The following CASTOR2 variants were observed in gnomAD, a reference collection of about 807,000 sequenced individuals.
CASTOR2 encodes cytosolic arginine sensor for mTORC1 subunit 2.
In CASTOR2, 8 loss-of-function variants were observed where a neutral mutation model predicts 31.2. The observed-to-expected ratio is 0.26, with a 90% CI of 0.15 to 0.46. The LOEUF (loss-of-function observed/expected upper bound fraction) is 0.46, where lower values mean the gene tolerates loss of function less well. Among genes scored for constraint, CASTOR2 ranks in the 20% least tolerant of loss-of-function variants. CASTOR2 has a pLI of 0.99. For synonymous variants in CASTOR2, 162 were observed against 158.7 expected, an observed-to-expected ratio of 1.02 and a Z score of -0.16; for missense variants, 216 against 382.1, an observed-to-expected ratio of 0.57 and a Z score of 3.62.
rs1412308137 is a variant in CASTOR2 at position 75,018,223 on chromosome 7, C to T, written c.511+101C>T. 1,561 of 1,544,088 alleles carry T rather than the reference C, an allele frequency of 1.0e-3. 18 individuals are homozygous for T. The African/African-American group carries it at 0.019, about 19-fold the overall frequency. On this transcript the variant is annotated intron_variant, in intron 4 of 8. Transcript: ENST00000616305. Reference sequence around the variant, plus strand: ...TCAGCACGGGCTTCTGCCCACTGAGCATGAATGGAGTGCCAGGCAGAACGG... The same window carrying T: ...TCAGCACGGGCTTCTGCCCACTGAGTATGAATGGAGTGCCAGGCAGAACGG...
rs1315567165 is a variant in CASTOR2 at position 75,019,108 on chromosome 7, T to C, written c.635+13T>C. 2 of 1,551,666 alleles carry C rather than the reference T, an allele frequency of 1.3e-6. No individual in the cohort carries two copies. Among genetic ancestry groups the C allele is most frequent in the Non-Finnish European group, 1.7e-6 (2 of 1,147,028 alleles). ...TCTACTCCAATGGGTAGGGCTGCCT[T>C]GGGCATGAGGGGTTGCAGGGTGGGC... On this transcript the variant is annotated intron_variant, in intron 5 of 8. Coordinates refer to ENST00000616305, the MANE Select transcript of CASTOR2 (RefSeq NM_001145064.3).
chr7:75,011,285 C>T (rs1368257957), intron 2 of CASTOR2, among the ~76,000 whole-genome samples: 10 of 151,412 alleles, frequency 6.6e-5, no homozygotes, highest in South Asian at 2.1e-4. Flanking sequence ...AAAAATTACC[C>T]GGGCATGGGG....
intron 1 of CASTOR2, among the ~76,000 whole-genome samples, chr7:74,986,175 C>G (rs1295600694): frequency 3.3e-5 from 5 of 150,546 alleles, no homozygotes; most frequent in Non-Finnish European, 7.4e-5. Flanking sequence ...AGTGATCAGC[C>G]CTCCTTGGCC....
At chr7:75,014,408 T>C (rs1584475304) in intron 2 of CASTOR2, among the ~76,000 whole-genome samples, 1 of 98,038 alleles carries the variant, frequency 1.0e-5, no homozygotes, top group Non-Finnish European at 1.8e-5. Context: ...ACCCCTTCTC[T>C]ACTAAAAATA....
intron 4 of CASTOR2, among the ~76,000 whole-genome samples, 175 bp downstream of exon 4, chr7:75,018,297 T>C (rs1252596653): frequency 6.6e-6 from 1 of 152,110 alleles, no homozygotes; most frequent in Non-Finnish European, 1.5e-5. Flanking sequence ...CCCAGCACTT[T>C]GGGAGGCCGA....
intron 1 of CASTOR2, among the ~76,000 whole-genome samples, chr7:74,987,231 C>T (rs1367376623): frequency 1.3e-5 from 2 of 151,974 alleles, no homozygotes; most frequent in African/African-American, 4.8e-5. Flanking sequence ...ATGGTGAAAC[C>T]CCATCTCTAC....
At chr7:74,983,919 C>T (rs1804004260) in intron 1 of CASTOR2, among the ~76,000 whole-genome samples, 4 of 151,376 alleles carry the variant, frequency 2.6e-5, no homozygotes, top group African/African-American at 7.3e-5. Context: ...TAGCTGGGGC[C>T]GCAGGTGTGT....
At chr7:75,008,573 G>A (rs1804656062) in intron 2 of CASTOR2, among the ~76,000 whole-genome samples, 1 of 152,118 alleles carries the variant, frequency 6.6e-6, no homozygotes, top group Non-Finnish European at 1.5e-5. Flanking sequence ...GCATGTTCCT[G>A]TGGTCCCAGC....
chr7:74,995,879 T>C (rs1417398640), intron 1 of CASTOR2, among the ~76,000 whole-genome samples: 1 of 149,030 alleles, frequency 6.7e-6, no homozygotes, highest in African/African-American at 2.5e-5. Flanking sequence ...GGAAGCTGAG[T>C]TGGGAGGCTC....
intron 2 of CASTOR2, among the ~76,000 whole-genome samples, chr7:75,017,162 C>G (rs1412201580): frequency 0.028 from 4,231 of 150,588 alleles, 93 homozygotes; most frequent in African/African-American, 0.048. Context: ...AAAACAATCC[C>G]ATCCGGCTGG....
intron 1 of CASTOR2, among the ~76,000 whole-genome samples, chr7:74,977,132 C>T (rs1405737245): frequency 7.3e-6 from 1 of 136,854 alleles, no homozygotes; most frequent in African/African-American, 2.8e-5. Context: ...TGCAGTGAGC[C>T]GAAATCGTGC....
intron 1 of CASTOR2, among the ~76,000 whole-genome samples, chr7:75,003,830 AGAGCAAC>A (rs1804550127): frequency 6.6e-6 from 1 of 151,938 alleles, no homozygotes; most frequent in Non-Finnish European, 1.5e-5. Flanking sequence ...GGTAGTGACC[AGAGCAAC>A]GGCAGCCGGT....
At chr7:74,996,247 C>A (rs1804344137) in intron 1 of CASTOR2, among the ~76,000 whole-genome samples, 1 of 152,030 alleles carries the variant, frequency 6.6e-6, no homozygotes, top group Admixed American at 6.6e-5. Flanking sequence ...GCCGAGGGGC[C>A]CCCAGGAACA....
chr7:74,977,907 G>A (rs1396582031), intron 1 of CASTOR2, among the ~76,000 whole-genome samples: 3 of 150,364 alleles, frequency 2.0e-5, no homozygotes, highest in East Asian at 3.9e-4. Flanking sequence ...TCGAACTCCC[G>A]GGCCCAAGTA....
chr7:74,976,538 CT>C (rs1803813285), intron 1 of CASTOR2, among the ~76,000 whole-genome samples: 1 of 12,568 alleles, frequency 8.0e-5, no homozygotes, highest in Non-Finnish European at 1.8e-4. Flanking sequence ...CTGTCTCCTC[CT>C]CCTCCTCCTC....
At chr7:75,015,883 A>G (rs1455059073) in intron 2 of CASTOR2, among the ~76,000 whole-genome samples, 7 of 152,144 alleles carry the variant, frequency 4.6e-5, no homozygotes, top group African/African-American at 1.4e-4. Context: ...CCGGGCCAAC[A>G]TGGTGAAACC....
intron 6 of CASTOR2, among the ~76,000 whole-genome samples, chr7:75,020,553 C>T (rs1332948833): frequency 2.0e-5 from 3 of 150,986 alleles, no homozygotes; most frequent in East Asian, 1.9e-4. Flanking sequence ...TGCAGTGGCA[C>T]TATCTCGGCT....
In CASTOR2 at chr7:74,970,989, C is replaced by G. The variant is rs1255324677; in HGVS notation, c.113+5891C>G. Among the ~76,000 whole-genome samples the G allele has an allele frequency of 1.3e-5, 2 of 150,076 alleles. 1 individual carries two copies. The highest frequency in any genetic ancestry group is 1.3e-4 in the Admixed American group (2 of 14,968). Reference sequence around the variant, plus strand: ...TAACCAGGGGCTATCAACAAGGATGCTTTGTGGTTTTTGTTTGTTTGTTTG... The same window carrying G: ...TAACCAGGGGCTATCAACAAGGATGGTTTGTGGTTTTTGTTTGTTTGTTTG... On this transcript the variant is annotated intron_variant, in intron 1 of 8. Transcript: ENST00000616305.
intron 1 of CASTOR2, among the ~76,000 whole-genome samples, chr7:74,974,403 C>G (rs1408801505): frequency 6.6e-6 from 1 of 150,548 alleles, no homozygotes; most frequent in Non-Finnish European, 1.5e-5. Context: ...TGTTCTCCAG[C>G]AAAGGTAGAG....
Sources: allele counts gnomAD v4.1 joint callset (sites outside exome capture counted in the v4.1 genomes callset), GRCh38; gene constraint gnomAD v4.1.1; transcripts MANE v1.5; gene names NCBI Gene and HGNC (gene_info 2026-07-23, HGNC 2026-07-21).